The following ZNF254 variants were observed in gnomAD, a reference collection of about 807,000 sequenced individuals.
ZNF254 encodes CTD-2017D11.1.
Under a neutral mutation model 12.4 loss-of-function variants are expected in ZNF254, and 10 were observed. The ratio of observed to expected loss-of-function variants is 0.80; its 90% CI spans 0.50 to 1.36. The LOEUF is 1.36. Among genes scored for constraint, ZNF254 ranks in the 40% most tolerant of loss-of-function variants. The pLI, the probability that ZNF254 is intolerant of heterozygous loss-of-function variation, is 0.00. For missense variants in ZNF254, 996 were observed against 763.9 expected, an observed-to-expected ratio of 1.30 and a Z score of -3.58; for synonymous variants, 305 against 253.4, an observed-to-expected ratio of 1.20 and a Z score of -1.93.
intron 2 of ZNF254, among the ~76,000 whole-genome samples, chr19:24,053,337 A>G (rs1286243844): frequency 6.6e-6 from 1 of 152,200 alleles, no homozygotes; most frequent in African/African-American, 2.4e-5. Flanking sequence ...CATACCTAGA[A>G]CTAAGAAATG....
intron 3 of ZNF254, among the ~76,000 whole-genome samples, chr19:24,123,797 T>A (rs868758433): frequency 6.6e-6 from 1 of 152,154 alleles, no homozygotes; most frequent in African/African-American, 2.4e-5. Flanking sequence ...TGACTGTTTC[T>A]GCTCTCATTT....
upstream of ZNF254, among the ~76,000 whole-genome samples, chr19:24,085,413 T>TATATATATATATATATATATATAC (rs1473800873): frequency 4.8e-5 from 6 of 125,186 alleles, no homozygotes; most frequent in Admixed American, 2.5e-4. Flanking sequence ...TAAGGGTATA[T>TATATATATATATATATATATATAC]ATATATATAT....
Position 24,095,555 on chromosome 19 carries a change from A to G in ZNF254, c.30+8218A>G, listed in dbSNP as rs965235357. On this transcript the variant is annotated intron_variant, in intron 1 of 3. Transcript: ENST00000357002. ...TGGTAGGCTATTTATTACTAATTCAATTTTTGAGCTTCTTATTCATCTATT... is the reference window on the plus strand; with the variant it reads ...TGGTAGGCTATTTATTACTAATTCAGTTTTTGAGCTTCTTATTCATCTATT... 2.6e-5 allele frequency among the ~76,000 whole-genome samples: 4 copies of G among 152,024 alleles called. 1 individual carries two copies. The highest frequency in any genetic ancestry group is 4.1e-4 in the South Asian group (2 of 4,834).
chr19:24,124,601 G>T (rs1032654922), intron 3 of ZNF254, among the ~76,000 whole-genome samples: 6 of 151,658 alleles, frequency 4.0e-5, no homozygotes, highest in Non-Finnish European at 7.4e-5. Context: ...TATTTGGCAG[G>T]ACAGATTTGC....
chr19:24,040,682 A>C (rs1465809344), intron 1 of ZNF254, among the ~76,000 whole-genome samples: 1 of 152,230 alleles, frequency 6.6e-6, no homozygotes, highest in Non-Finnish European at 1.5e-5. Flanking sequence ...ACATTACAGC[A>C]TACATGGTGA....
At chr19:24,126,150 A>G (rs1305415768) in intron 3 of ZNF254, 104 bp from the exon 4 acceptor site, 8 of 768,436 alleles carry the variant, frequency 1.0e-5, no homozygotes, top group Non-Finnish European at 1.5e-5. Flanking sequence ...TTGCAATGCT[A>G]TCTTGTCTAT....
intron 3 of ZNF254, among the ~76,000 whole-genome samples, chr19:24,109,895 A>ATT (rs748822710): frequency 8.0e-6 from 1 of 124,654 alleles, no homozygotes; most frequent in Non-Finnish European, 1.8e-5. Flanking sequence ...CTAATTTTGT[A>ATT]TTTTTTTTTT....
Position 24,106,053 on chromosome 19 carries a change from C to T in ZNF254, c.144C>T (p.Asn48=). Residue 48 remains asparagine, a synonymous_variant, in exon 2 of 4, where the codon AAC becomes AAT. Transcript: ENST00000357002. ...YRNVMLENYR[N]LAFLGIAVSK... ...ATGTGATGTTAGAGAACTACAGAAA[C>T]CTGGCCTTCCTGGGTGAGGATAACT... 6.3e-7 allele frequency: 1 copy of T among 1,592,446 alleles called. No homozygotes were observed. Among genetic ancestry groups the T allele is most frequent in the Non-Finnish European group, 8.6e-7 (1 of 1,167,926 alleles).
At chr19:24,089,053 C>T (rs113897000) in intron 1 of ZNF254, among the ~76,000 whole-genome samples, 1 of 149,552 alleles carries the variant, frequency 6.7e-6, no homozygotes, top group Non-Finnish European at 1.5e-5. Context: ...CTCGGCTCAC[C>T]GCAACCTCCG....
intron 1 of ZNF254, among the ~76,000 whole-genome samples, 160 bp downstream of exon 1, chr19:24,087,497 C>T (rs1440675604): frequency 6.6e-6 from 1 of 152,192 alleles, no homozygotes; most frequent in African/African-American, 2.4e-5. Flanking sequence ...GCTGCGCTGA[C>T]AGCCAGACCC....
intron 3 of ZNF254, among the ~76,000 whole-genome samples, chr19:24,124,390 G>T (rs917062538): frequency 2.0e-5 from 3 of 152,018 alleles, no homozygotes; most frequent in Non-Finnish European, 4.4e-5. Context: ...CACCACTAGG[G>T]TAATGCTAAG....
At chr19:24,087,810 G>A (rs185128097) in intron 1 of ZNF254, among the ~76,000 whole-genome samples, 97 of 152,114 alleles carry the variant, frequency 6.4e-4, no homozygotes, top group Middle Eastern at 6.8e-3. Context: ...GTACTTTTGT[G>A]GTCCATGGAA....
chr19:24,100,545 G>A lies in ZNF254; in HGVS notation c.31-5395G>A, dbSNP rs553088699. On this transcript the variant is annotated intron_variant, in intron 1 of 3. Coordinates refer to ENST00000357002, the MANE Select transcript of ZNF254 (RefSeq NM_203282.4). The stretch of plus-strand genomic sequence containing the variant: ...TTGACATTGTTCACTATTGCCACAG[G>A]TAGGTGTAAGTTAAACTAATAATGT... 3.3e-5 allele frequency among the ~76,000 whole-genome samples: 5 copies of A among 152,188 alleles called. No homozygotes were observed. The South Asian group carries it at 8.3e-4, about 25-fold the overall frequency.
At chr19:24,038,443 A>G (rs568365992) in intron 1 of ZNF254, among the ~76,000 whole-genome samples, 3 of 152,294 alleles carry the variant, frequency 2.0e-5, no homozygotes, top group East Asian at 3.9e-4. Context: ...TGTCTTTGCA[A>G]TCTCTTAGCA....
chr19:24,113,294 C>T (rs527691864), intron 3 of ZNF254, among the ~76,000 whole-genome samples: 1 of 152,224 alleles, frequency 6.6e-6, no homozygotes, highest in South Asian at 2.1e-4. Flanking sequence ...AAAATACTGG[C>T]AAACTGAATC....
At chr19:24,053,563 C>T (rs1350507031) in intron 2 of ZNF254, among the ~76,000 whole-genome samples, 1 of 151,952 alleles carries the variant, frequency 6.6e-6, no homozygotes, top group African/African-American at 2.4e-5. Flanking sequence ...GGGCCTAGTG[C>T]CCAGGTGATA....
chr19:24,062,087 CAAAA>C (rs72097158), intron 2 of ZNF254, among the ~76,000 whole-genome samples: 4 of 115,080 alleles, frequency 3.5e-5, no homozygotes, highest in East Asian at 2.6e-4. Flanking sequence ...CTCTGTCTCA[CAAAA>C]AAAAAAAAAA....
At chr19:24,077,420 A>G (rs534649362) in intron 2 of ZNF254, among the ~76,000 whole-genome samples, 1 of 152,334 alleles carries the variant, frequency 6.6e-6, no homozygotes, top group African/African-American at 2.4e-5. Context: ...TTACACAGCC[A>G]AGGCACTGCT....
At chr19:24,073,910 C>A (rs1421014203) in intron 2 of ZNF254, among the ~76,000 whole-genome samples, 1 of 152,216 alleles carries the variant, frequency 6.6e-6, no homozygotes, top group Non-Finnish European at 1.5e-5. Flanking sequence ...GCAACATACA[C>A]CTCTGACCAG....
Sources: allele counts gnomAD v4.1 joint callset (sites outside exome capture counted in the v4.1 genomes callset), GRCh38; gene constraint gnomAD v4.1.1; transcripts MANE v1.5; gene names NCBI Gene and HGNC (gene_info 2026-07-23, HGNC 2026-07-21).